TTC7B: variants seen among roughly 807,000 people sequenced by gnomAD.
The protein encoded by TTC7B is tetratricopeptide repeat protein 7B.
TTC7B carries 28 observed loss-of-function variants against 106.8 expected under a neutral mutation model. The observed-to-expected ratio is 0.26, with a 90% CI of 0.19 to 0.36. TTC7B has a LOEUF of 0.36. Among genes scored for constraint, TTC7B ranks in the 10% least tolerant of loss-of-function variants. The pLI is 1.00. For synonymous variants in TTC7B, 405 were observed against 430.6 expected (o/e 0.94, Z 0.74); for missense variants, 862 against 1,076.4 (o/e 0.80, Z 2.79).
At chr14:90,723,356 G>T (rs975938199) in intron 5 of TTC7B, among the ~76,000 whole-genome samples, 1 of 152,166 alleles carries the variant, frequency 6.6e-6, no homozygotes, top group Non-Finnish European at 1.5e-5. Flanking sequence ...TCACCACCTA[G>T]TATCACCTAC....
chr14:90,673,212 T>C (rs1000323942), intron 9 of TTC7B, among the ~76,000 whole-genome samples: 13 of 152,170 alleles, frequency 8.5e-5, no homozygotes, highest in African/African-American at 2.9e-4. Context: ...ACTTACATAA[T>C]GCACAATTTA....
At chr14:90,746,441 A>T (rs1889970477) in intron 3 of TTC7B, among the ~76,000 whole-genome samples, 1 of 152,124 alleles carries the variant, frequency 6.6e-6, no homozygotes, top group Admixed American at 6.5e-5. Context: ...CATTCCTGAT[A>T]ATTGGCAATT....
chr14:90,791,006 A>G (rs1018878814), intron 1 of TTC7B, among the ~76,000 whole-genome samples: 2 of 152,118 alleles, frequency 1.3e-5, no homozygotes, highest in African/African-American at 4.8e-5. Flanking sequence ...AGCTGGGATC[A>G]GAATGCCCAG....
At chr14:90,582,345 A>G (rs1685504232) in intron 18 of TTC7B, among the ~76,000 whole-genome samples, 2 of 152,114 alleles carry the variant, frequency 1.3e-5, no homozygotes, top group Admixed American at 1.3e-4. Context: ...CAAGTCAATC[A>G]CCTTCTCTGG....
At chr14:90,685,970 A>G (rs1293849929) in intron 7 of TTC7B, among the ~76,000 whole-genome samples, 2 of 152,232 alleles carry the variant, frequency 1.3e-5, no homozygotes, top group Non-Finnish European at 2.9e-5. Context: ...CAAAAAGAAG[A>G]GGAGGGAATA....
intron 1 of TTC7B, among the ~76,000 whole-genome samples, chr14:90,803,132 G>C (rs1399003196): frequency 6.6e-6 from 1 of 151,196 alleles, no homozygotes; most frequent in Non-Finnish European, 1.5e-5. Flanking sequence ...GACAGAGCGA[G>C]ACTCCGATGC....
At chr14:90,582,180 C>A (rs1880137426) in intron 18 of TTC7B, among the ~76,000 whole-genome samples, 1 of 152,260 alleles carries the variant, frequency 6.6e-6, no homozygotes, top group African/African-American at 2.4e-5. Flanking sequence ...CAAAAGACTC[C>A]TGAGAGTGGG....
intron 3 of TTC7B, among the ~76,000 whole-genome samples, chr14:90,774,100 C>G (rs1890949638): frequency 6.6e-6 from 1 of 152,224 alleles, no homozygotes; most frequent in Admixed American, 6.5e-5. Flanking sequence ...ACCAGCCCCT[C>G]TTCACCATGG....
At chr14:90,737,778 T>G (rs1889600079) in intron 4 of TTC7B, among the ~76,000 whole-genome samples, 1 of 152,112 alleles carries the variant, frequency 6.6e-6, no homozygotes, top group Admixed American at 6.6e-5. Context: ...AGGCTGGTCT[T>G]GAACTCCTGA....
intron 1 of TTC7B, among the ~76,000 whole-genome samples, chr14:90,789,659 G>C (rs1020273871): frequency 1.5e-4 from 23 of 151,970 alleles, no homozygotes; most frequent in African/African-American, 5.1e-4. Flanking sequence ...ACTTTTAGGA[G>C]GCCAGGGCAG....
intron 18 of TTC7B, among the ~76,000 whole-genome samples, chr14:90,586,181 C>T (rs570160275): frequency 2.6e-5 from 4 of 152,236 alleles, no homozygotes; most frequent in Admixed American, 6.5e-5. Context: ...TTCCTGCCCC[C>T]CTGGCTGCCG....
chr14:90,644,052 A>T lies in TTC7B; in HGVS notation c.1747T>A (p.Phe583Ile). ...DMALSEYPEN[F>I]ILLFSKVKLQ... Reference sequence around the variant, plus strand: ...CCAAAGCCCAGGATCACTTACATGAAATTTTCTGGGTATTCACTCAGGGCC... The same window carrying T: ...CCAAAGCCCAGGATCACTTACATGATATTTTCTGGGTATTCACTCAGGGCC... Residue 583 changes from phenylalanine to isoleucine, a missense_variant, in exon 15 of 20, where the codon TTC (phenylalanine) becomes ATC (isoleucine). Physicochemically the swap from Phe to Ile is conservative, Grantham distance 21. Coordinates refer to ENST00000328459, the MANE Select transcript of TTC7B (RefSeq NM_001010854.2). 1 of 1,614,018 alleles carries T rather than the reference A, an allele frequency of 6.2e-7. No homozygotes were observed.
At chr14:90,745,767 C>T (rs536380790) in intron 3 of TTC7B, among the ~76,000 whole-genome samples, 18 of 149,660 alleles carry the variant, frequency 1.2e-4, no homozygotes, top group Non-Finnish European at 1.9e-4. Flanking sequence ...TGCAGCAGTG[C>T]GACCTCGGCT....
chr14:90,784,846 C>G (rs567521207), intron 2 of TTC7B, among the ~76,000 whole-genome samples: 2 of 152,282 alleles, frequency 1.3e-5, no homozygotes, highest in East Asian at 3.9e-4. Context: ...CACCTCCTAG[C>G]GGCCTGGAGC....
intron 1 of TTC7B, among the ~76,000 whole-genome samples, chr14:90,815,075 T>C (rs1235721424): frequency 6.6e-6 from 1 of 152,190 alleles, no homozygotes; most frequent in Non-Finnish European, 1.5e-5. Flanking sequence ...TTGAAAATAG[T>C]GCAGATGTCC....
Position 90,526,244 on chromosome 14 carries a change from C to CT in TTC7B, c.*15123dup, listed in dbSNP as rs1889148834. On this transcript the variant is annotated 3_prime_UTR_variant, in exon 20 of 20. Transcript: ENST00000328459. ...TCCTAGTGGGTGTAAGGTGGTATCT[C>CT]TTGGAGTTTTGACTTGCATTTCCCT... 1 of 152,136 alleles carries CT rather than the reference C, an allele frequency of 6.6e-6. No homozygotes were observed. Among genetic ancestry groups the CT allele is most frequent in the Non-Finnish European group, 1.5e-5 (1 of 68,020 alleles). The allele number at this position is 152,136 out of a possible 1,614,324, so 9.4% of individuals were successfully genotyped here.
intron 6 of TTC7B, among the ~76,000 whole-genome samples, chr14:90,694,080 T>C (rs1251659825): frequency 6.6e-6 from 1 of 152,204 alleles, no homozygotes; most frequent in African/African-American, 2.4e-5. Context: ...GAAAGCATTA[T>C]GCTAAGTGAA....
At chr14:90,714,515 G>T (rs1366438508) in intron 5 of TTC7B, among the ~76,000 whole-genome samples, 1 of 151,048 alleles carries the variant, frequency 6.6e-6, no homozygotes, top group Non-Finnish European at 1.5e-5. Context: ...GGAGTGCAAT[G>T]GCGCAATCTT....
intron 19 of TTC7B, among the ~76,000 whole-genome samples, chr14:90,551,671 C>T (rs150302772): frequency 1.4e-3 from 210 of 152,318 alleles, no homozygotes; most frequent in African/African-American, 4.8e-3. Context: ...ACCAGTACCA[C>T]TCTGAGAAGC....
Sources: allele counts gnomAD v4.1 joint callset (sites outside exome capture counted in the v4.1 genomes callset), GRCh38; gene constraint gnomAD v4.1.1; transcripts MANE v1.5; gene names NCBI Gene and HGNC (gene_info 2026-07-23, HGNC 2026-07-21).